The following PTPDC1 variants were observed in gnomAD, a reference collection of about 807,000 sequenced individuals.
PTPDC1 encodes protein tyrosine phosphatase domain-containing protein 1.
A neutral mutation model predicts 75.3 loss-of-function variants in PTPDC1; 53 were observed. The ratio of observed to expected loss-of-function variants is 0.70; its 90% CI spans 0.56 to 0.88. The LOEUF (loss-of-function observed/expected upper bound fraction) is 0.88. Ranked by LOEUF, PTPDC1 falls within the 40% of genes least tolerant of loss-of-function variation. The probability of loss-of-function intolerance (pLI) is 0.00; values close to 1 mark genes in which losing one functional copy is unlikely to be tolerated. For synonymous variants in PTPDC1, 349 were observed against 366.2 expected (o/e 0.95, Z 0.54); for missense variants, 925 against 998.6 (o/e 0.93, Z 0.99).
intron 4 of PTPDC1, among the ~76,000 whole-genome samples, chr9:94,092,683 G>A (rs1321575344): frequency 2.1e-3 from 314 of 147,926 alleles, no homozygotes; most frequent in Middle Eastern, 3.6e-3. Context: ...TGACAGTGGG[G>A]TGTTAAAGTC....
At chr9:94,086,546 A>C (rs566669608) in intron 2 of PTPDC1, among the ~76,000 whole-genome samples, 1 of 152,114 alleles carries the variant, frequency 6.6e-6, no homozygotes, top group South Asian at 2.1e-4. Flanking sequence ...CCTGAGATTC[A>C]TGTGACCCAC....
chr9:94,050,417 A>G (rs1564011542), intron 1 of PTPDC1, among the ~76,000 whole-genome samples: 4 of 152,092 alleles, frequency 2.6e-5, no homozygotes, highest in Non-Finnish European at 4.4e-5. Context: ...TCTGTTTGTT[A>G]GTTTTCCTTC....
At chr9:94,098,852 C>T (rs1827728890) in intron 6 of PTPDC1, among the ~76,000 whole-genome samples, 1 of 152,220 alleles carries the variant, frequency 6.6e-6, no homozygotes, top group African/African-American at 2.4e-5. Context: ...TAGTTTCCTT[C>T]TTCCTGGGCC....
At chr9:94,036,830 A>G (rs1279417449) in intron 1 of PTPDC1, among the ~76,000 whole-genome samples, 1 of 152,220 alleles carries the variant, frequency 6.6e-6, no homozygotes, top group Non-Finnish European at 1.5e-5. Flanking sequence ...TTCATCTCTA[A>G]GAGTCATTTC....
rs1384435440 is a variant in PTPDC1 at position 94,087,894 on chromosome 9, C to T, written c.480C>T (p.Ile160=). The T allele has an allele frequency of 2.5e-6, 4 of 1,613,426 alleles. No homozygotes were observed. The African/African-American group carries it at 5.3e-5, about 22-fold the overall frequency. The part of the protein sequence containing the change: ...PSSELLEKYH[I]IDQFLSHGIK... ...CTGAGCTCCTGGAGAAGTACCACAT[C>T]ATTGATCAGTTCCTCAGGTAAATGC... The change falls in exon 3 of 9, where the codon ATC becomes ATT. Residue 160 remains isoleucine (I), a synonymous_variant. Transcript: ENST00000620992.
intron 7 of PTPDC1, among the ~76,000 whole-genome samples, chr9:94,103,192 G>A (rs1016982033): frequency 3.3e-5 from 5 of 152,168 alleles, no homozygotes; most frequent in African/African-American, 9.7e-5. Context: ...TCCTGTATCC[G>A]AAGTCCTTTT....
At chr9:94,088,644 T>C (rs1241623051) in intron 4 of PTPDC1, among the ~76,000 whole-genome samples, 1 of 152,156 alleles carries the variant, frequency 6.6e-6, no homozygotes, top group Non-Finnish European at 1.5e-5. Context: ...AGCTTAGAAA[T>C]GGTAGTCAGG....
chr9:94,055,408 G>A (rs184843683), intron 1 of PTPDC1, among the ~76,000 whole-genome samples: 1 of 152,276 alleles, frequency 6.6e-6, no homozygotes, highest in Admixed American at 6.5e-5. Context: ...TGTGTATAGC[G>A]GTTTTGTTCA....
intron 4 of PTPDC1, among the ~76,000 whole-genome samples, chr9:94,092,017 A>T: frequency 6.9e-6 from 1 of 144,796 alleles, no homozygotes; most frequent in African/African-American, 2.7e-5. Flanking sequence ...AATTTTGTTG[A>T]TCTTTTCAAA....
At chr9:94,106,656 C>T (rs1281310955) in intron 8 of PTPDC1, among the ~76,000 whole-genome samples, 1 of 152,144 alleles carries the variant, frequency 6.6e-6, no homozygotes, top group Non-Finnish European at 1.5e-5. Flanking sequence ...GGTCTCAGAT[C>T]CTTTACAGTT....
chr9:94,098,198 C>G lies in PTPDC1; in HGVS notation c.1632C>G (p.Phe544Leu), dbSNP rs1158220663. The change falls in exon 6 of 9, where the codon TTC becomes TTG. Residue 544 changes from phenylalanine (F) to leucine (L), a missense_variant. Coordinates refer to ENST00000620992, the MANE Select transcript of PTPDC1 (RefSeq NM_001253829.2). ...AGGAAGCACAGCAGAGTGGAGCTTT[C>G]TCTGCAGATGTTTCAGGCTCACACA... is the stretch of plus-strand genomic sequence containing the variant. Reference protein sequence around the residue: ...IPKEAQQSGAFSADVSGSHSP... With the variant: ...IPKEAQQSGALSADVSGSHSP... 6.2e-7 allele frequency: 1 copy of G among 1,614,244 alleles called. No homozygotes were observed. Among genetic ancestry groups the G allele is most frequent in the Non-Finnish European group, 8.5e-7 (1 of 1,180,054 alleles).
intron 1 of PTPDC1, among the ~76,000 whole-genome samples, chr9:94,047,451 C>T (rs1377501743): frequency 6.6e-6 from 1 of 152,036 alleles, no homozygotes; most frequent in Non-Finnish European, 1.5e-5. Flanking sequence ...ACTAAATGCC[C>T]ACAAGAGAAA....
intron 8 of PTPDC1, among the ~76,000 whole-genome samples, chr9:94,106,032 AGGGG>A (rs1828012908): frequency 6.6e-6 from 1 of 151,974 alleles, no homozygotes; most frequent in Non-Finnish European, 1.5e-5. Flanking sequence ...TTTTTTGCAA[AGGGG>A]ATAGATAATA....
chr9:94,104,615 A>G (rs1827953734), intron 8 of PTPDC1, among the ~76,000 whole-genome samples: 1 of 152,220 alleles, frequency 6.6e-6, no homozygotes, highest in South Asian at 2.1e-4. Flanking sequence ...TTTGAAGGAG[A>G]ACGTTGGAAC....
intron 1 of PTPDC1, among the ~76,000 whole-genome samples, chr9:94,059,180 G>C (rs1201521152): frequency 6.6e-6 from 1 of 152,098 alleles, no homozygotes; most frequent in African/African-American, 2.4e-5. Context: ...TAAAAAAAAA[G>C]TATGTGTTCA....
intron 2 of PTPDC1, chr9:94,064,956 C>G: frequency 1.5e-6 from 1 of 648,042 alleles, no homozygotes; most frequent in East Asian, 2.8e-5. Context: ...TACTTACTGC[C>G]TTACCATCTT....
rs56948438 is a variant in PTPDC1, at chr9:94,095,900, G to A, written c.754+446G>A. Among the ~76,000 whole-genome samples the A allele has an allele frequency of 6.0e-3, 919 of 152,292 alleles. 12 individuals are homozygous for A. The highest frequency in any genetic ancestry group is 0.021 in the African/African-American group (860 of 41,554). Reference sequence around the variant, plus strand: ...TCATTTTAAAGTCTTTAGCAACAATGTGAGTTGGAGAAACTGCAATTTGAG... The same window carrying A: ...TCATTTTAAAGTCTTTAGCAACAATATGAGTTGGAGAAACTGCAATTTGAG... On this transcript the variant is annotated intron_variant, in intron 5 of 8. Coordinates refer to ENST00000620992, the MANE Select transcript of PTPDC1 (RefSeq NM_001253829.2).
At chr9:94,107,715 A>G (rs978319209) in intron 8 of PTPDC1, 113 bp from the exon 9 acceptor site, 11 of 524,706 alleles carry the variant, frequency 2.1e-5, no homozygotes, top group Non-Finnish European at 3.8e-5. Context: ...TGTATTTTAT[A>G]TAGAGTTTTG....
At chr9:94,035,977 A>G (rs189465005) in intron 1 of PTPDC1, among the ~76,000 whole-genome samples, 1 of 150,860 alleles carries the variant, frequency 6.6e-6, no homozygotes, top group East Asian at 1.9e-4. Context: ...TCTTATTTGG[A>G]AAAATGTCTG....
Sources: gnomAD v4.1 joint callset for allele counts (sites outside exome capture counted in the v4.1 genomes callset) on GRCh38, gnomAD v4.1.1 for gene constraint, MANE v1.5 for transcripts, NCBI Gene and HGNC (gene_info 2026-07-23, HGNC 2026-07-21) for gene names.